Variants in SI observed in about 807,000 individuals in gnomAD.
SI encodes the protein sucrase-isomaltase, intestinal.
In SI, 235 loss-of-function variants were observed where a neutral mutation model predicts 253.3. That is an observed-to-expected ratio of 0.93 (90% CI 0.83 to 1.03). SI has a LOEUF of 1.03. SI is among the 50% of genes least tolerant of loss of function. The probability of loss-of-function intolerance (pLI) is 0.00; values close to 1 mark genes in which losing one functional copy is unlikely to be tolerated. For missense variants in SI, 2,442 were observed against 2,211.1 expected, an observed-to-expected ratio of 1.10 and a Z score of -2.09; for synonymous variants, 819 against 712.0, an observed-to-expected ratio of 1.15 and a Z score of -2.39.
intron 38 of SI, among the ~76,000 whole-genome samples, chr3:164,998,234 T>A (rs115567181): frequency 2.2e-4 from 33 of 151,932 alleles, no homozygotes; most frequent in Non-Finnish European, 4.1e-4. Context: ...CTAGAATTTC[T>A]ATTCATTTCT....
At chr3:165,052,456 G>T (rs1713481120) in intron 13 of SI, among the ~76,000 whole-genome samples, 1 of 152,080 alleles carries the variant, frequency 6.6e-6, no homozygotes, top group Non-Finnish European at 1.5e-5. Context: ...AGGAGTTCCA[G>T]ACCAGCCTGG....
intron 3 of SI, among the ~76,000 whole-genome samples, chr3:165,072,495 AAAAAAGGC>A (rs1463747481): frequency 6.6e-6 from 1 of 152,080 alleles, no homozygotes; most frequent in East Asian, 1.9e-4. Flanking sequence ...TCCTAAAGCA[AAAAAAGGC>A]AAATATTTAG....
At chr3:165,023,876 C>T in intron 25 of SI, 100 bp from the exon 26 acceptor site, 1 of 833,438 alleles carries the variant, frequency 1.2e-6, no homozygotes, top group Non-Finnish European at 2.0e-6. Context: ...GTATGATTTA[C>T]AAGTTTCATT....
At chr3:165,063,694 T>A (rs1353738500) in intron 7 of SI, among the ~76,000 whole-genome samples, 153 bp from the exon 8 acceptor site, 1 of 151,214 alleles carries the variant, frequency 6.6e-6, no homozygotes, top group African/African-American at 2.4e-5. Context: ...ACCAGTGAAA[T>A]ATTATAGGTA....
In SI at chr3:165,008,003, A is replaced by G; in HGVS notation, c.4180-5T>C. The G allele has an allele frequency of 7.0e-7, 1 of 1,425,082 alleles. No homozygotes were observed. The highest frequency in any genetic ancestry group is 9.9e-7 in the Non-Finnish European group (1 of 1,009,986). The allele number at this position is 1,425,082 out of a possible 1,614,324, so 88.3% of individuals were successfully genotyped here. A position where few individuals can be genotyped will look rare whatever the true frequency, so the allele number is the denominator to read the frequency against. On this transcript the variant is annotated splice_polypyrimidine_tract_variant and splice_region_variant and intron_variant, in intron 35 of 47. Coordinates refer to ENST00000264382, the MANE Select transcript of SI (RefSeq NM_001041.4). The stretch of plus-strand genomic sequence containing the variant: ...ACTTGATGGCTCATTCATATCCTTA[A>G]AAAAAGATGAAAGAAAAAGGTAAAC...
At chr3:165,046,195 G>A (rs969433706) in intron 16 of SI, among the ~76,000 whole-genome samples, 1 of 151,802 alleles carries the variant, frequency 6.6e-6, no homozygotes, top group African/African-American at 2.4e-5. Flanking sequence ...CGGGTTTTTG[G>A]TGTTTGTTTT....
rs770743180 is a variant in SI at position 165,008,007 on chromosome 3, A to G, written c.4180-9T>C. The stretch of plus-strand genomic sequence containing the variant: ...GATGGCTCATTCATATCCTTAAAAA[A>G]AGATGAAAGAAAAAGGTAAACAAAA... On this transcript the variant is annotated splice_polypyrimidine_tract_variant and intron_variant, in intron 35 of 47. Transcript: ENST00000264382. 4.3e-6 allele frequency: 6 copies of G among 1,399,552 alleles called. No homozygotes were observed. The highest frequency in any genetic ancestry group is 6.1e-6 in the Non-Finnish European group (6 of 987,014). The allele number at this position is 1,399,552 out of a possible 1,614,324, so 86.7% of individuals were successfully genotyped here.
intron 8 of SI, 108 bp from the exon 9 acceptor site, chr3:165,062,591 A>T: frequency 1.6e-6 from 1 of 641,642 alleles, no homozygotes. Flanking sequence ...ATTTTACAAT[A>T]TGTTTAAATA....
intron 37 of SI, among the ~76,000 whole-genome samples, chr3:165,001,125 A>G (rs1250439930): frequency 6.6e-5 from 10 of 151,374 alleles, no homozygotes; most frequent in Non-Finnish European, 5.9e-5. Context: ...AAAATGTTAA[A>G]TTAATTAATG....
At position 165,050,536 on chromosome 3, in the gene SI, C is replaced by T. The variant is rs1349688727; in HGVS notation, c.1513-661G>A. On this transcript the variant is annotated intron_variant, in intron 13 of 47. Coordinates refer to ENST00000264382, the MANE Select transcript of SI (RefSeq NM_001041.4). The stretch of plus-strand genomic sequence containing the variant: ...ATAGGCCCCAATCTTGTCCCACTGC[C>T]TGCTAGCTATGTGACCATAACCCAG... Among the ~76,000 whole-genome samples, 5 of 152,194 alleles carry T rather than the reference C, an allele frequency of 3.3e-5. No homozygotes were observed. The East Asian group carries it at 9.7e-4, about 29-fold the overall frequency.
chr3:165,032,714 A>C, intron 23 of SI, 22 bp from the exon 24 acceptor site: 1 of 1,496,392 alleles, frequency 6.7e-7, no homozygotes, highest in Non-Finnish European at 9.3e-7. Context: ...AGTATAAGAT[A>C]TTATATATTA....
intron 3 of SI, among the ~76,000 whole-genome samples, chr3:165,071,677 G>C (rs1319456509): frequency 1.3e-5 from 2 of 152,014 alleles, no homozygotes; most frequent in South Asian, 2.1e-4. Context: ...TAAGGGTGGG[G>C]CCCTAATTCA....
At chr3:164,983,656 C>G (rs1394829018) in intron 45 of SI, among the ~76,000 whole-genome samples, 1 of 152,060 alleles carries the variant, frequency 6.6e-6, no homozygotes, top group African/African-American at 2.4e-5. Flanking sequence ...GTAACACAAT[C>G]ATGGCTCACT....
intron 40 of SI, among the ~76,000 whole-genome samples, chr3:164,996,189 A>G (rs1718000541): frequency 6.6e-6 from 1 of 151,690 alleles, no homozygotes; most frequent in African/African-American, 2.4e-5. Context: ...TCTGCCATTT[A>G]CTTACTATAG....
intron 6 of SI, among the ~76,000 whole-genome samples, chr3:165,066,114 T>C (rs1714232618): frequency 6.6e-6 from 1 of 151,982 alleles, no homozygotes. Context: ...CTTATTTTTC[T>C]TGTCATTCTT....
intron 7 of SI, among the ~76,000 whole-genome samples, chr3:165,065,001 A>C (rs1369147638): frequency 6.6e-6 from 1 of 152,010 alleles, no homozygotes; most frequent in Non-Finnish European, 1.5e-5. Context: ...AAGGAATAAT[A>C]AAATACGATC....
chr3:165,034,609 T>C (rs930196013), intron 22 of SI, among the ~76,000 whole-genome samples: 1 of 151,992 alleles, frequency 6.6e-6, no homozygotes, highest in Admixed American at 6.6e-5. Context: ...CCCCAGGGTA[T>C]TTAAGAAAGA....
At chr3:164,982,802 T>G (rs903636917) in intron 46 of SI, among the ~76,000 whole-genome samples, 200 bp downstream of exon 46, 1 of 151,942 alleles carries the variant, frequency 6.6e-6, no homozygotes, top group Non-Finnish European at 1.5e-5. Flanking sequence ...GGACTACAGT[T>G]GCATGCCACC....
At chr3:165,067,524 A>T in intron 5 of SI, 33 bp from the exon 6 acceptor site, 1 of 1,526,762 alleles carries the variant, frequency 6.5e-7, no homozygotes, top group Middle Eastern at 1.8e-4. Context: ...GCATTACTGG[A>T]TTCTAAACTA....
Sources: allele counts gnomAD v4.1 joint callset (sites outside exome capture counted in the v4.1 genomes callset), GRCh38; gene constraint gnomAD v4.1.1; transcripts MANE v1.5; gene names NCBI Gene and HGNC (gene_info 2026-07-23, HGNC 2026-07-21).